Variants in KCNH8 observed in about 807,000 individuals in gnomAD.
The protein encoded by KCNH8 is potassium voltage-gated channel subfamily H member 8.
A neutral mutation model predicts 103.6 loss-of-function variants in KCNH8; 70 were observed. The observed-to-expected ratio is 0.68, with a 90% CI of 0.56 to 0.82. The LOEUF (loss-of-function observed/expected upper bound fraction) is 0.82. Among genes scored for constraint, KCNH8 ranks in the 40% least tolerant of loss-of-function variants. The pLI is 0.00. For missense variants in KCNH8, 1,217 were observed against 1,329.9 expected (o/e 0.92, Z 1.32); for synonymous variants, 498 against 489.4 (o/e 1.02, Z -0.23).
At chr3:19,480,943 T>A (rs901681912) in intron 11 of KCNH8, among the ~76,000 whole-genome samples, 1 of 152,186 alleles carries the variant, frequency 6.6e-6, no homozygotes, top group Non-Finnish European at 1.5e-5. Context: ...GAAGAAAAGC[T>A]ATGGGGAAAC....
At chr3:19,430,626 T>G (rs1036704317) in intron 7 of KCNH8, among the ~76,000 whole-genome samples, 2 of 152,146 alleles carry the variant, frequency 1.3e-5, no homozygotes, top group Non-Finnish European at 2.9e-5. Flanking sequence ...GCATAGAATG[T>G]TTTCCATTTG....
chr3:19,245,189 C>T (rs1162774121), intron 1 of KCNH8, among the ~76,000 whole-genome samples: 1 of 152,162 alleles, frequency 6.6e-6, no homozygotes, highest in African/African-American at 2.4e-5. Context: ...AACCAGTTAT[C>T]TTAGCACCAT....
intron 1 of KCNH8, among the ~76,000 whole-genome samples, chr3:19,179,311 TA>T (rs1488242598): frequency 6.6e-6 from 1 of 152,146 alleles, no homozygotes; most frequent in Non-Finnish European, 1.5e-5. Context: ...GGCTTAATGC[TA>T]AAAAACTATG....
chr3:19,396,421 C>T (rs1366781126), intron 7 of KCNH8, among the ~76,000 whole-genome samples: 1 of 152,014 alleles, frequency 6.6e-6, no homozygotes, highest in Non-Finnish European at 1.5e-5. Context: ...GGAATAAGCT[C>T]CTCTCCAAGT....
chr3:19,170,498 T>G (rs2063329796), intron 1 of KCNH8, among the ~76,000 whole-genome samples: 1 of 151,002 alleles, frequency 6.6e-6, no homozygotes, highest in African/African-American at 2.4e-5. Flanking sequence ...GTGAAACTGA[T>G]CATGACTCCT....
intron 15 of KCNH8, among the ~76,000 whole-genome samples, chr3:19,531,494 TCTG>T (rs1482307719): frequency 7.2e-5 from 11 of 152,228 alleles, no homozygotes. Flanking sequence ...AAGTTTTAGA[TCTG>T]CTGAAAAGCC....
chr3:19,522,935 G>T (rs1575172310), intron 15 of KCNH8, among the ~76,000 whole-genome samples: 1 of 151,626 alleles, frequency 6.6e-6, no homozygotes, highest in Admixed American at 6.6e-5. Context: ...TTTACAACTT[G>T]GTATAGTGTA....
At chr3:19,452,592 G>A (rs1450071445) in intron 10 of KCNH8, among the ~76,000 whole-genome samples, 2 of 152,148 alleles carry the variant, frequency 1.3e-5, no homozygotes, top group East Asian at 3.9e-4. Flanking sequence ...TGAGAGGCAG[G>A]TGAATTCAGG....
At chr3:19,298,811 A>G (rs2065027307) in intron 3 of KCNH8, among the ~76,000 whole-genome samples, 1 of 151,048 alleles carries the variant, frequency 6.6e-6, no homozygotes, top group Non-Finnish European at 1.5e-5. Flanking sequence ...AGTCCCAGCT[A>G]CTCGGGAGGC....
intron 5 of KCNH8, among the ~76,000 whole-genome samples, chr3:19,379,465 C>T (rs1390660853): frequency 6.6e-6 from 1 of 151,976 alleles, no homozygotes; most frequent in African/African-American, 2.4e-5. Flanking sequence ...CATGGTGAAA[C>T]CCCGTCTCTA....
At chr3:19,275,367 A>G (rs1490615713) in intron 2 of KCNH8, among the ~76,000 whole-genome samples, 1 of 152,036 alleles carries the variant, frequency 6.6e-6, no homozygotes, top group Non-Finnish European at 1.5e-5. Context: ...GGAGCTCTCC[A>G]GCTGTGTCAG....
At chr3:19,463,188 T>C (rs905467823) in intron 11 of KCNH8, among the ~76,000 whole-genome samples, 2 of 152,168 alleles carry the variant, frequency 1.3e-5, no homozygotes, top group Non-Finnish European at 2.9e-5. Flanking sequence ...CTGAGGATTT[T>C]CATATCTGCA....
At chr3:19,479,021 C>A (rs995370783) in intron 11 of KCNH8, among the ~76,000 whole-genome samples, 3 of 152,110 alleles carry the variant, frequency 2.0e-5, no homozygotes, top group Non-Finnish European at 4.4e-5. Context: ...CCCAGCATTA[C>A]CTCCTCTATC....
intron 7 of KCNH8, among the ~76,000 whole-genome samples, chr3:19,408,290 A>G (rs1028906237): frequency 6.6e-6 from 1 of 152,120 alleles, no homozygotes; most frequent in Non-Finnish European, 1.5e-5. Flanking sequence ...CACAGCCCCT[A>G]GGGTGGAAGG....
intron 12 of KCNH8, 43 bp downstream of exon 12, chr3:19,510,444 G>T: frequency 8.4e-7 from 1 of 1,186,254 alleles, no homozygotes; most frequent in South Asian, 1.2e-5. Flanking sequence ...CTAAAATCTG[G>T]AGGATTACCA....
chr3:19,518,217 G>T, intron 15 of KCNH8, 143 bp downstream of exon 15: 1 of 603,438 alleles, frequency 1.7e-6, no homozygotes, highest in Non-Finnish European at 2.9e-6. Flanking sequence ...TCTGCCTCAT[G>T]TAAGTTGTGT....
chr3:19,205,412 C>T (rs1470547427), intron 1 of KCNH8, among the ~76,000 whole-genome samples: 1 of 152,024 alleles, frequency 6.6e-6, no homozygotes, highest in Non-Finnish European at 1.5e-5. Flanking sequence ...TTCTGATCTT[C>T]AGGTGTATAT....
At chr3:19,428,971 C>A (rs772635845) in intron 7 of KCNH8, among the ~76,000 whole-genome samples, 1 of 152,006 alleles carries the variant, frequency 6.6e-6, no homozygotes, top group Admixed American at 6.6e-5. Flanking sequence ...ACTGTGCCCC[C>A]CTTTAGGTCT....
chr3:19,380,991 G>A (rs1476219851), intron 5 of KCNH8, among the ~76,000 whole-genome samples: 1 of 152,142 alleles, frequency 6.6e-6, no homozygotes, highest in Non-Finnish European at 1.5e-5. Flanking sequence ...GCATAGTTCT[G>A]TTATTTCAAA....
Sources: gnomAD v4.1 joint callset for allele counts (sites outside exome capture counted in the v4.1 genomes callset) on GRCh38, gnomAD v4.1.1 for gene constraint, MANE v1.5 for transcripts, NCBI Gene and HGNC (gene_info 2026-07-23, HGNC 2026-07-21) for gene names.